Variants in ROBO2 observed in about 807,000 individuals in gnomAD.
ROBO2 encodes roundabout homolog 2.
Under a neutral mutation model 160.8 loss-of-function variants are expected in ROBO2, and 53 were observed. That is an observed-to-expected ratio of 0.33 (90% CI 0.26 to 0.41). The LOEUF is 0.41. ROBO2 is among the 10% of genes least tolerant of loss of function. The pLI is 1.00. For missense variants in ROBO2, 1,577 were observed against 1,722.4 expected (o/e 0.92, Z 1.49); for synonymous variants, 664 against 611.7 (o/e 1.09, Z -1.26).
At chr3:77,560,446 G>T (rs545430567) in intron 9 of ROBO2, among the ~76,000 whole-genome samples, 1 of 152,192 alleles carries the variant, frequency 6.6e-6, no homozygotes, top group Admixed American at 6.6e-5. Context: ...CGATATTTAG[G>T]TTTATGAGGA....
intron 2 of ROBO2, among the ~76,000 whole-genome samples, chr3:76,867,970 C>T (rs577140339): frequency 6.6e-6 from 1 of 152,256 alleles, no homozygotes; most frequent in African/African-American, 2.4e-5. Context: ...TTTCTCCTGG[C>T]ACTGAGGGCT....
chr3:76,826,759 T>A (rs2066625660), intron 2 of ROBO2, among the ~76,000 whole-genome samples: 1 of 152,182 alleles, frequency 6.6e-6, no homozygotes, highest in Non-Finnish European at 1.5e-5. Context: ...TGTGCTGGTC[T>A]CCATAATTTT....
At chr3:76,725,195 T>C (rs1206364414) in intron 2 of ROBO2, among the ~76,000 whole-genome samples, 1 of 152,176 alleles carries the variant, frequency 6.6e-6, no homozygotes, top group East Asian at 1.9e-4. Context: ...TTTCAAATTT[T>C]CTACTCTTTT....
At chr3:77,352,902 C>T (rs1469498925) in intron 2 of ROBO2, among the ~76,000 whole-genome samples, 2 of 152,162 alleles carry the variant, frequency 1.3e-5, no homozygotes, top group African/African-American at 4.8e-5. Context: ...TTAAACAGCT[C>T]ATTTCACATG....
chr3:77,270,706 A>G (rs1205813429), intron 2 of ROBO2, among the ~76,000 whole-genome samples: 1 of 152,174 alleles, frequency 6.6e-6, no homozygotes, highest in Non-Finnish European at 1.5e-5. Context: ...GCACTTTGGG[A>G]GGCCAAGGTG....
intron 1 of ROBO2, among the ~76,000 whole-genome samples, chr3:77,066,594 A>G (rs4423807): frequency 0.24 from 36,988 of 152,072 alleles, 5,240 homozygotes; most frequent in East Asian, 0.63. Flanking sequence ...CAATCAAAGG[A>G]CTAACAGTAG....
chr3:77,445,237 A>C (rs1441826576), intron 2 of ROBO2, among the ~76,000 whole-genome samples: 2 of 152,184 alleles, frequency 1.3e-5, no homozygotes, highest in East Asian at 1.9e-4. Context: ...GATACATTTA[A>C]AAATTAATGC....
intron 2 of ROBO2, among the ~76,000 whole-genome samples, chr3:76,595,384 T>G (rs949894771): frequency 6.6e-6 from 1 of 152,046 alleles, no homozygotes; most frequent in African/African-American, 2.4e-5. Flanking sequence ...TTGTTACATG[T>G]TATTTTGTGT....
intron 1 of ROBO2, among the ~76,000 whole-genome samples, chr3:77,094,329 A>T (rs1460115114): frequency 6.6e-6 from 1 of 152,154 alleles, no homozygotes; most frequent in Non-Finnish European, 1.5e-5. Context: ...TTAATACTTC[A>T]TTTTTAAGGC....
In ROBO2 at chr3:76,439,869, T is replaced by TGGG. The variant is rs1348196530; in HGVS notation, c.109+502268_109+502270dup. Among the ~76,000 whole-genome samples, 7 of 152,288 alleles carry TGGG rather than the reference T, an allele frequency of 4.6e-5. No individual in the cohort carries two copies. The East Asian group carries it at 1.4e-3, about 29-fold the overall frequency. The stretch of plus-strand genomic sequence containing the variant: ...GGATGTAGTCTTCACACTCCCACGA[T>TGGG]GGGTAGTTCATCACATTGGTAGCCC... On this transcript the variant is annotated intron_variant, in intron 2 of 26. Transcript: ENST00000487694.
At chr3:76,282,587 G>T (rs895909072) in intron 2 of ROBO2, among the ~76,000 whole-genome samples, 3 of 151,738 alleles carry the variant, frequency 2.0e-5, no homozygotes, top group Non-Finnish European at 4.4e-5. Context: ...TTGCCTATTG[G>T]CATTTTAAAA....
intron 2 of ROBO2, among the ~76,000 whole-genome samples, chr3:77,434,904 A>G (rs986593630): frequency 1.3e-5 from 2 of 152,116 alleles, no homozygotes; most frequent in Non-Finnish European, 2.9e-5. Flanking sequence ...AGAAACAGCC[A>G]GATAATGAGT....
chr3:77,580,093 G>C lies in ROBO2; in HGVS notation c.2475G>C (p.Lys825Asn), dbSNP rs754615026. ...GTACCAGTGCAGGGGTTGGAGTAAA[G>C]AGTGAGCCACAGCCAATAATAATCG... Residue 825 changes from lysine to asparagine, a missense_variant, in exon 16 of 26, where the codon AAG (lysine) becomes AAC (asparagine). This residue lies in a region of ROBO2 where 940 missense variants were observed against 1,135.5 expected (regional missense o/e 0.83). Coordinates refer to ENST00000461745, the Ensembl canonical transcript of ROBO2. 1 of 1,613,818 alleles carries C rather than the reference G, an allele frequency of 6.2e-7. No individual in the cohort carries two copies. The highest frequency in any genetic ancestry group is 8.5e-7 in the Non-Finnish European group (1 of 1,179,770).
At chr3:76,307,993 G>C (rs940614748) in intron 2 of ROBO2, among the ~76,000 whole-genome samples, 3 of 152,106 alleles carry the variant, frequency 2.0e-5, no homozygotes, top group Non-Finnish European at 4.4e-5. Flanking sequence ...TTGGAACTGA[G>C]GGGTTTGAAT....
chr3:76,057,740 C>T (rs1009195844), intron 2 of ROBO2, among the ~76,000 whole-genome samples: 1 of 151,796 alleles, frequency 6.6e-6, no homozygotes. Flanking sequence ...ACCAAATGTC[C>T]TTTGTCTTAT....
intron 1 of ROBO2, among the ~76,000 whole-genome samples, chr3:77,058,650 A>C (rs1364009091): frequency 6.6e-6 from 1 of 151,418 alleles, no homozygotes; most frequent in African/African-American, 2.4e-5. Flanking sequence ...CTCTCACTTC[A>C]GCTTGAGTAG....
At chr3:77,448,266 T>C (rs1190837201) in intron 2 of ROBO2, among the ~76,000 whole-genome samples, 1 of 152,090 alleles carries the variant, frequency 6.6e-6, no homozygotes, top group African/African-American at 2.4e-5. Context: ...ACTTTTGAAG[T>C]TGAAATTACT....
intron 2 of ROBO2, among the ~76,000 whole-genome samples, chr3:75,943,827 A>G (rs959030223): frequency 7.2e-5 from 11 of 151,832 alleles, no homozygotes; most frequent in Non-Finnish European, 1.3e-4. Context: ...CAGGCTCCCG[A>G]GTAGCTGGGA....
chr3:77,330,857 T>C (rs1448140761), intron 2 of ROBO2, among the ~76,000 whole-genome samples: 1 of 152,206 alleles, frequency 6.6e-6, no homozygotes, highest in Non-Finnish European at 1.5e-5. Flanking sequence ...TTTGGTAAAG[T>C]ATTATTTTTT....
Sources: gnomAD v4.1 joint callset for allele counts (sites outside exome capture counted in the v4.1 genomes callset) on GRCh38, gnomAD v4.1.1 for gene constraint, gnomAD v4.1.1 regional missense constraint, MANE v1.5 for transcripts, NCBI Gene and HGNC (gene_info 2026-07-23, HGNC 2026-07-21) for gene names.